The following CTNNA2 variants were observed in gnomAD, a reference collection of about 807,000 sequenced individuals.
CTNNA2 encodes the protein catenin alpha 2, also known as catenin alpha-2.
CTNNA2 carries 42 observed loss-of-function variants against 101.0 expected under a neutral mutation model. That is an observed-to-expected ratio of 0.42 (90% CI 0.32 to 0.54). CTNNA2 has a LOEUF of 0.54. Ranked by LOEUF, CTNNA2 falls within the 20% of genes least tolerant of loss-of-function variation. CTNNA2 has a pLI of 0.14. For synonymous variants in CTNNA2, 450 were observed against 456.4 expected (o/e 0.99, Z 0.18); for missense variants, 871 against 1,223.1 (o/e 0.71, Z 4.29).
At chr2:80,544,766 T>A (rs1190016432) in intron 9 of CTNNA2, among the ~76,000 whole-genome samples, 1 of 152,172 alleles carries the variant, frequency 6.6e-6, no homozygotes, top group Admixed American at 6.5e-5. Flanking sequence ...ACCTTGTATA[T>A]GCTTGAGAGT....
intron 1 of CTNNA2, among the ~76,000 whole-genome samples, chr2:79,649,855 A>G (rs1017331944): frequency 1.3e-5 from 2 of 152,038 alleles, no homozygotes; most frequent in African/African-American, 2.4e-5. Context: ...GGTTGGGTCT[A>G]TTTGCAAAAG....
At chr2:79,454,225 T>TA (rs1318347263) in intron 4 of CTNNA2, among the ~76,000 whole-genome samples, 1 of 152,166 alleles carries the variant, frequency 6.6e-6, no homozygotes, top group Non-Finnish European at 1.5e-5. Context: ...TTTCTTTTTT[T>TA]ATTTGTATAT....
rs149249998 is a variant in CTNNA2, at chr2:80,634,482, T to A, written c.2575-13103T>A. On this transcript the variant is annotated intron_variant, in intron 18 of 18. Transcript: ENST00000402739. Reference sequence around the variant, plus strand: ...AAGAAACCAGTATTTAGGAATTGAGTTAATGAGAGCAAAATCAGAAGTATT... The same window carrying A: ...AAGAAACCAGTATTTAGGAATTGAGATAATGAGAGCAAAATCAGAAGTATT... 5.7e-3 allele frequency among the ~76,000 whole-genome samples: 846 copies of A among 147,210 alleles called. 7 individuals are homozygous for A. Among genetic ancestry groups the A allele is most frequent in the Non-Finnish European group, 8.1e-3 (543 of 67,228 alleles).
intron 9 of CTNNA2, among the ~76,000 whole-genome samples, chr2:80,539,058 G>A (rs558527163): frequency 2.6e-5 from 4 of 152,060 alleles, no homozygotes; most frequent in Non-Finnish European, 5.9e-5. Context: ...TCACTCTGTT[G>A]CCCAGACCAG....
At chr2:80,418,525 T>C (rs1220134715) in intron 8 of CTNNA2, among the ~76,000 whole-genome samples, 1 of 152,166 alleles carries the variant, frequency 6.6e-6, no homozygotes, top group African/African-American at 2.4e-5. Context: ...ATTGCATACG[T>C]TATAGTAATT....
intron 7 of CTNNA2, among the ~76,000 whole-genome samples, chr2:80,384,082 A>G (rs1054731200): frequency 6.6e-6 from 1 of 152,150 alleles, no homozygotes; most frequent in Non-Finnish European, 1.5e-5. Flanking sequence ...ACCAAATATC[A>G]CATGTTCTCC....
chr2:80,592,599 G>A (rs556121700), intron 15 of CTNNA2, among the ~76,000 whole-genome samples: 14 of 152,214 alleles, frequency 9.2e-5, no homozygotes, highest in Non-Finnish European at 1.9e-4. Flanking sequence ...TCTTCATACT[G>A]CTTCAGCTGA....
At chr2:80,639,818 G>A (rs1173100135) in intron 18 of CTNNA2, among the ~76,000 whole-genome samples, 5 of 151,840 alleles carry the variant, frequency 3.3e-5, no homozygotes, top group Non-Finnish European at 7.4e-5. Flanking sequence ...AAAAATATTT[G>A]TCGGCCGGGC....
At chr2:79,725,372 A>C (rs566968698) in intron 2 of CTNNA2, among the ~76,000 whole-genome samples, 50 of 152,304 alleles carry the variant, frequency 3.3e-4, no homozygotes, top group African/African-American at 1.2e-3. Flanking sequence ...GACATAGGTT[A>C]ATACCATTGT....
At chr2:80,167,173 C>T (rs925363965) in intron 7 of CTNNA2, among the ~76,000 whole-genome samples, 1 of 152,020 alleles carries the variant, frequency 6.6e-6, no homozygotes, top group African/African-American at 2.4e-5. Context: ...TACTTTTGCA[C>T]CAACCTAACG....
At chr2:80,186,865 C>T (rs1706163931) in intron 7 of CTNNA2, among the ~76,000 whole-genome samples, 1 of 152,142 alleles carries the variant, frequency 6.6e-6, no homozygotes, top group East Asian at 1.9e-4. Context: ...ACAAAAGTCA[C>T]CAGGAAGTCT....
intron 4 of CTNNA2, among the ~76,000 whole-genome samples, chr2:79,445,870 T>G: frequency 6.6e-6 from 1 of 151,834 alleles, no homozygotes; most frequent in East Asian, 1.9e-4. Context: ...TAAATGTTCA[T>G]GAATAATAAA....
At chr2:80,635,196 G>T (rs962433152) in intron 18 of CTNNA2, among the ~76,000 whole-genome samples, 1 of 152,092 alleles carries the variant, frequency 6.6e-6, no homozygotes, top group African/African-American at 2.4e-5. Context: ...TTGAATGTGT[G>T]TTAATGTTAG....
intron 17 of CTNNA2, among the ~76,000 whole-genome samples, chr2:80,616,137 T>A (rs1190419357): frequency 6.6e-6 from 1 of 151,764 alleles, no homozygotes; most frequent in Non-Finnish European, 1.5e-5. Flanking sequence ...CGGAACAACC[T>A]GTCTCTTGAC....
At chr2:80,218,447 T>TG (rs2149049461) in intron 7 of CTNNA2, among the ~76,000 whole-genome samples, 1 of 152,338 alleles carries the variant, frequency 6.6e-6, no homozygotes, top group South Asian at 2.1e-4. Flanking sequence ...GGATTGCCCT[T>TG]GGGGCAGACA....
At chr2:80,235,754 G>T (rs1295069857) in intron 7 of CTNNA2, among the ~76,000 whole-genome samples, 1 of 152,064 alleles carries the variant, frequency 6.6e-6, no homozygotes, top group East Asian at 1.9e-4. Context: ...CTTACCTTAG[G>T]GTCGCACCAT....
At chr2:79,496,708 T>C (rs1671260220) in intron 4 of CTNNA2, among the ~76,000 whole-genome samples, 1 of 151,904 alleles carries the variant, frequency 6.6e-6, no homozygotes, top group Non-Finnish European at 1.5e-5. Context: ...TGTACATATA[T>C]ATAATTTTAT....
chr2:80,531,882 C>A (rs1209302283), intron 9 of CTNNA2, among the ~76,000 whole-genome samples: 1 of 152,120 alleles, frequency 6.6e-6, no homozygotes, highest in African/African-American at 2.4e-5. Context: ...TAAATCTCAC[C>A]AAGTTTTCAT....
At chr2:79,244,488 C>A (rs138618403) in intron 2 of CTNNA2, among the ~76,000 whole-genome samples, 43 of 152,290 alleles carry the variant, frequency 2.8e-4, no homozygotes, top group African/African-American at 1.0e-3. Context: ...AACACAGGCA[C>A]TAAGTTTGTG....
Sources: gnomAD v4.1 joint callset for allele counts (sites outside exome capture counted in the v4.1 genomes callset) on GRCh38, gnomAD v4.1.1 for gene constraint, MANE v1.5 for transcripts, NCBI Gene and HGNC (gene_info 2026-07-23, HGNC 2026-07-21) for gene names.